The following PDSS2 variants were observed in gnomAD, a reference collection of about 807,000 sequenced individuals.
PDSS2 encodes all trans-polyprenyl-diphosphate synthase PDSS2.
PDSS2 carries 31 observed loss-of-function variants against 44.5 expected under a neutral mutation model. The ratio of observed to expected loss-of-function variants is 0.70; its 90% CI spans 0.52 to 0.94. The LOEUF (loss-of-function observed/expected upper bound fraction) is 0.94, where lower values mean the gene tolerates loss of function less well. Ranked by LOEUF, PDSS2 falls within the 40% of genes least tolerant of loss-of-function variation. The pLI, the probability that PDSS2 is intolerant of heterozygous loss-of-function variation, is 0.00. For synonymous variants in PDSS2, 157 were observed against 180.3 expected (o/e 0.87, Z 1.03); for missense variants, 452 against 482.2 (o/e 0.94, Z 0.59).
chr6:107,351,596 A>G (rs998926484), intron 1 of PDSS2, among the ~76,000 whole-genome samples: 1 of 152,158 alleles, frequency 6.6e-6, no homozygotes, highest in South Asian at 2.1e-4. Flanking sequence ...AGTTCTCTAT[A>G]ATATATAAGC....
At chr6:107,251,757 T>G (rs1349775084) in intron 3 of PDSS2, among the ~76,000 whole-genome samples, 4 of 152,172 alleles carry the variant, frequency 2.6e-5, no homozygotes, top group African/African-American at 9.7e-5. Context: ...AGTGAAAATA[T>G]CTTACAGAAA....
chr6:107,206,751 T>C (rs779526559), intron 6 of PDSS2, among the ~76,000 whole-genome samples: 1 of 152,142 alleles, frequency 6.6e-6, no homozygotes, highest in Non-Finnish European at 1.5e-5. Flanking sequence ...CTTTCAAAAC[T>C]GTTCTGGGCT....
At chr6:107,187,589 A>T (rs1025292658) in intron 7 of PDSS2, among the ~76,000 whole-genome samples, 10 of 151,824 alleles carry the variant, frequency 6.6e-5, no homozygotes, top group African/African-American at 2.2e-4. Context: ...GCTTGAACCC[A>T]GGAGGCAGAG....
intron 1 of PDSS2, among the ~76,000 whole-genome samples, chr6:107,349,674 G>A (rs149765065): frequency 3.3e-5 from 5 of 152,032 alleles, no homozygotes; most frequent in East Asian, 1.9e-4. Context: ...GCTTGAACCC[G>A]GGAGGAGGAG....
At position 107,228,118 on chromosome 6, in the gene PDSS2, GTA is replaced by G. The variant is rs576029041; in HGVS notation, c.703-15838_703-15837del. On this transcript the variant is annotated intron_variant, in intron 4 of 7. Transcript: ENST00000369037. Reference sequence around the variant, plus strand: ...TTTAAGATATTTTGCTGTGATAGTTGTAAGTAACCTAGAGTGCCTCCAAATGG... The same window carrying G: ...TTTAAGATATTTTGCTGTGATAGTTGAGTAACCTAGAGTGCCTCCAAATGG... 3.7e-3 allele frequency among the ~76,000 whole-genome samples: 569 copies of G among 152,222 alleles called. 1 individual carries two copies. Among genetic ancestry groups the G allele is most frequent in the Non-Finnish European group, 5.2e-3 (353 of 68,020 alleles).
chr6:107,190,270 G>A (rs6568473), intron 7 of PDSS2, among the ~76,000 whole-genome samples: 45,590 of 151,900 alleles, frequency 0.3, 7,185 homozygotes, highest in East Asian at 0.55. Context: ...TCCTCAAACT[G>A]TGTCAAACGC....
intron 2 of PDSS2, among the ~76,000 whole-genome samples, chr6:107,330,096 T>C (rs1278964715): frequency 6.6e-6 from 1 of 152,096 alleles, no homozygotes; most frequent in Non-Finnish European, 1.5e-5. Context: ...TTTCTTCTCA[T>C]ACATCTAGTC....
intron 1 of PDSS2, among the ~76,000 whole-genome samples, chr6:107,358,377 T>G (rs950473184): frequency 6.6e-6 from 1 of 152,220 alleles, no homozygotes; most frequent in Admixed American, 6.5e-5. Flanking sequence ...TTCTGAAAAT[T>G]AAACAGGGTA....
At chr6:107,288,864 A>G (rs555522800) in intron 2 of PDSS2, among the ~76,000 whole-genome samples, 3 of 144,148 alleles carry the variant, frequency 2.1e-5, no homozygotes, top group African/African-American at 7.8e-5. Flanking sequence ...GATTCAAGCG[A>G]TTCTCTGCCT....
chr6:107,256,058 T>C (rs1775009519), intron 3 of PDSS2, among the ~76,000 whole-genome samples: 2 of 152,316 alleles, frequency 1.3e-5, no homozygotes, highest in East Asian at 1.9e-4. Context: ...TGGTGCCATC[T>C]TGGCTCACTG....
At chr6:107,442,860 C>A (rs142902963) in intron 1 of PDSS2, among the ~76,000 whole-genome samples, 1 of 152,336 alleles carries the variant, frequency 6.6e-6, no homozygotes, top group African/African-American at 2.4e-5. Flanking sequence ...GTTTATAACT[C>A]ACCATCATCA....
At chr6:107,305,426 G>A (rs1776826950) in intron 2 of PDSS2, among the ~76,000 whole-genome samples, 1 of 152,088 alleles carries the variant, frequency 6.6e-6, no homozygotes, top group Non-Finnish European at 1.5e-5. Flanking sequence ...GTGAGTTTAA[G>A]TTCATCTAAA....
intron 2 of PDSS2, among the ~76,000 whole-genome samples, chr6:107,301,921 C>CAAA (rs10592658): frequency 8.5e-4 from 67 of 78,632 alleles, no homozygotes; most frequent in East Asian, 1.3e-3. Flanking sequence ...GACTCTATCT[C>CAAA]AAAAAAAAAA....
At chr6:107,327,141 T>C (rs1367602009) in intron 2 of PDSS2, among the ~76,000 whole-genome samples, 4 of 152,202 alleles carry the variant, frequency 2.6e-5, no homozygotes, top group Non-Finnish European at 5.9e-5. Context: ...AGATCTTTAA[T>C]TCAATTCAGT....
At chr6:107,228,711 TAAATAAATAAACAAAC>T (rs1406681895) in intron 4 of PDSS2, among the ~76,000 whole-genome samples, 94 of 123,054 alleles carry the variant, frequency 7.6e-4, no homozygotes, top group African/African-American at 2.9e-3. Context: ...AATAAATAAA[TAAATAAATAAACAAAC>T]AAACAAACAA....
intron 1 of PDSS2, among the ~76,000 whole-genome samples, chr6:107,338,250 A>G (rs957166061): frequency 6.6e-6 from 1 of 152,230 alleles, no homozygotes; most frequent in African/African-American, 2.4e-5. Context: ...AGCACAGGTC[A>G]TATTTCATCT....
rs568110168 is a variant in PDSS2, at chr6:107,229,375, C to CG, written c.702+16172dup. Reference sequence around the variant, plus strand: ...CTAATTTTTGTGTTTTTAGTAGAGACGGGGTTTCACCATAAGCCAGGCTGG... The same window carrying CG: ...CTAATTTTTGTGTTTTTAGTAGAGACGGGGGTTTCACCATAAGCCAGGCTGG... On this transcript the variant is annotated intron_variant, in intron 4 of 7. Transcript: ENST00000369037. Among the ~76,000 whole-genome samples, 122 of 152,070 alleles carry CG rather than the reference C, an allele frequency of 8.0e-4. 1 individual carries two copies. The highest frequency in any genetic ancestry group is 2.7e-3 in the African/African-American group (114 of 41,500).
intron 4 of PDSS2, among the ~76,000 whole-genome samples, chr6:107,242,033 G>A (rs112718790): frequency 0.013 from 2,049 of 152,212 alleles, 45 homozygotes; most frequent in African/African-American, 0.047. Flanking sequence ...TGTGGGGGCA[G>A]TGCTCTCTCT....
chr6:107,346,057 A>G (rs1336213173), intron 1 of PDSS2, among the ~76,000 whole-genome samples: 1 of 152,256 alleles, frequency 6.6e-6, no homozygotes, highest in Non-Finnish European at 1.5e-5. Context: ...GAGGATTACT[A>G]TAATAGTCGC....
Sources: allele counts gnomAD v4.1 joint callset (sites outside exome capture counted in the v4.1 genomes callset), GRCh38; gene constraint gnomAD v4.1.1; transcripts MANE v1.5; gene names NCBI Gene and HGNC (gene_info 2026-07-23, HGNC 2026-07-21).